The following PTGR2 variants were observed in gnomAD, a reference collection of about 807,000 sequenced individuals.
PTGR2 encodes prostaglandin reductase 2.
In PTGR2, 32 loss-of-function variants were observed where a neutral mutation model predicts 43.4. The observed-to-expected ratio is 0.74, with a 90% CI of 0.56 to 0.99. The LOEUF (loss-of-function observed/expected upper bound fraction) is 0.99. Among genes scored for constraint, PTGR2 ranks in the 50% least tolerant of loss-of-function variants. The pLI, the probability that PTGR2 is intolerant of heterozygous loss-of-function variation, is 0.00. For synonymous variants in PTGR2, 106 were observed against 139.2 expected (o/e 0.76, Z 1.68); for missense variants, 373 against 420.0 (o/e 0.89, Z 0.98).
chr14:73,867,088 C>CAAAAAA (rs200945001), intron 3 of PTGR2, among the ~76,000 whole-genome samples: 35 of 100,068 alleles, frequency 3.5e-4, no homozygotes, highest in South Asian at 1.0e-3. Flanking sequence ...GACTCTGTCT[C>CAAAAAA]AAAAAAAAAA....
intron 1 of PTGR2, among the ~76,000 whole-genome samples, chr14:73,856,665 T>C (rs991417442): frequency 2.0e-5 from 3 of 152,250 alleles, no homozygotes; most frequent in East Asian, 1.9e-4. Flanking sequence ...ACATGCCATA[T>C]AGGTTTGTAC....
intron 3 of PTGR2, among the ~76,000 whole-genome samples, chr14:73,863,760 C>T (rs1985773): frequency 0.48 from 72,895 of 151,530 alleles, 17,874 homozygotes; most frequent in South Asian, 0.61. Context: ...GATTAACAGG[C>T]GTGCACCACC....
chr14:73,884,080 A>C, intron 9 of PTGR2, 21 bp from the exon 10 acceptor site: 1 of 1,496,240 alleles, frequency 6.7e-7, no homozygotes, highest in Non-Finnish European at 9.3e-7. Flanking sequence ...TTTTCAGATA[A>C]CCTACTTTCT....
chr14:73,881,720 C>T (rs1270840456), intron 8 of PTGR2, among the ~76,000 whole-genome samples: 3 of 147,964 alleles, frequency 2.0e-5, no homozygotes, highest in African/African-American at 7.5e-5. Flanking sequence ...AGTTGTTGAT[C>T]GAAAATCAGG....
chr14:73,876,472 G>A (rs1482832191), intron 4 of PTGR2, among the ~76,000 whole-genome samples: 1 of 129,740 alleles, frequency 7.7e-6, no homozygotes, highest in Non-Finnish European at 1.6e-5. Flanking sequence ...CTTCTTCTAA[G>A]GACATAAGTC....
intron 2 of PTGR2, among the ~76,000 whole-genome samples, chr14:73,859,516 C>G (rs1173284703): frequency 6.6e-6 from 1 of 151,924 alleles, no homozygotes; most frequent in Non-Finnish European, 1.5e-5. Context: ...TTCCTTCTTA[C>G]AAATTTTTCT....
chr14:73,868,237 C>T (rs997542318), intron 3 of PTGR2, among the ~76,000 whole-genome samples: 4 of 151,804 alleles, frequency 2.6e-5, no homozygotes, highest in Non-Finnish European at 4.4e-5. Flanking sequence ...TGCAGTGAGC[C>T]GAGATCACGC....
chr14:73,863,737 C>T (rs968481168), intron 3 of PTGR2, among the ~76,000 whole-genome samples: 1 of 151,862 alleles, frequency 6.6e-6, no homozygotes, highest in African/African-American at 2.4e-5. Flanking sequence ...GCCTCAACCT[C>T]CCGAGTAGCT....
chr14:73,870,474 C>A (rs1232387111), intron 3 of PTGR2, among the ~76,000 whole-genome samples: 1 of 152,086 alleles, frequency 6.6e-6, no homozygotes, highest in Non-Finnish European at 1.5e-5. Context: ...GCCACCACAC[C>A]AGACCTCTTA....
At chr14:73,852,537 C>T (rs1045559274) in intron 1 of PTGR2, among the ~76,000 whole-genome samples, 1 of 152,204 alleles carries the variant, frequency 6.6e-6, no homozygotes, top group Non-Finnish European at 1.5e-5. Context: ...AGGCGTGAGC[C>T]ATCGCGCCCG....
intron 3 of PTGR2, among the ~76,000 whole-genome samples, chr14:73,867,094 A>AAAAAAAAAAC (rs1227788007): frequency 2.8e-5 from 4 of 143,484 alleles, no homozygotes; most frequent in Non-Finnish European, 6.1e-5. Context: ...GTCTCAAAAA[A>AAAAAAAAAAC]AAAAAAAAAA....
At chr14:73,863,160 C>A (rs963537159) in intron 3 of PTGR2, among the ~76,000 whole-genome samples, 1 of 152,128 alleles carries the variant, frequency 6.6e-6, no homozygotes, top group Non-Finnish European at 1.5e-5. Context: ...CCAGAAGAAA[C>A]CCTGAACCTA....
intron 4 of PTGR2, among the ~76,000 whole-genome samples, chr14:73,876,499 T>TTTTTTTTTTG: frequency 6.7e-6 from 1 of 149,752 alleles, no homozygotes; most frequent in Non-Finnish European, 1.5e-5. Context: ...TTTTTTTTTT[T>TTTTTTTTTTG]GAGATGAAGT....
intron 8 of PTGR2, among the ~76,000 whole-genome samples, chr14:73,882,174 G>A (rs539404098): frequency 6.6e-6 from 1 of 152,240 alleles, no homozygotes; most frequent in South Asian, 2.1e-4. Context: ...AGAGTGTATA[G>A]CTTGTGATCT....
intron 1 of PTGR2, among the ~76,000 whole-genome samples, chr14:73,855,998 G>A (rs2054336507): frequency 6.6e-6 from 1 of 151,324 alleles, no homozygotes; most frequent in Non-Finnish European, 1.5e-5. Flanking sequence ...AGAGGTTGCA[G>A]TGAGCTGAGA....
At chr14:73,879,471 A>T in intron 6 of PTGR2, 166 bp downstream of exon 6, 2 of 563,350 alleles carry the variant, frequency 3.6e-6, no homozygotes, top group Non-Finnish European at 6.2e-6. Flanking sequence ...GCTGATACCT[A>T]CTTCCATTTA....
chr14:73,874,241 T>A (rs758626133), intron 4 of PTGR2, 27 bp downstream of exon 4: 13 of 1,506,510 alleles, frequency 8.6e-6, no homozygotes, highest in Non-Finnish European at 1.2e-5. Flanking sequence ...CATATCTGAT[T>A]TTTTTTCCCC....
chr14:73,853,620 GC>G (rs2054280331), intron 1 of PTGR2, among the ~76,000 whole-genome samples: 1 of 152,164 alleles, frequency 6.6e-6, no homozygotes, highest in Non-Finnish European at 1.5e-5. Flanking sequence ...ACCATACCCG[GC>G]CCCTTTTCTC....
chr14:73,852,183 T>G (rs529757349), intron 1 of PTGR2: 1 of 152,346 alleles, frequency 6.6e-6, no homozygotes, highest in South Asian at 2.1e-4. Context: ...TAATTGTGTT[T>G]GAGGTGCCTC....
Sources: gnomAD v4.1 joint callset for allele counts (sites outside exome capture counted in the v4.1 genomes callset) on GRCh38, gnomAD v4.1.1 for gene constraint, MANE v1.5 for transcripts, NCBI Gene and HGNC (gene_info 2026-07-23, HGNC 2026-07-21) for gene names.